MGAM: variants seen among roughly 807,000 people sequenced by gnomAD.
MGAM encodes the protein maltase-glucoamylase, also known as alpha-1,4-glucosidase.
Under a neutral mutation model 358.8 loss-of-function variants are expected in MGAM, and 253 were observed. That is an observed-to-expected ratio of 0.71 (90% CI 0.64 to 0.78). MGAM has a LOEUF of 0.78. Among genes scored for constraint, MGAM ranks in the 30% least tolerant of loss-of-function variants. The pLI, the probability that MGAM is intolerant of heterozygous loss-of-function variation, is 0.00. For synonymous variants in MGAM, 1,105 were observed against 1,227.1 expected (o/e 0.90, Z 2.08); for missense variants, 3,080 against 3,432.6 (o/e 0.90, Z 2.57).
intron 26 of MGAM, among the ~76,000 whole-genome samples, chr7:142,054,295 G>A (rs1811284016): frequency 6.6e-6 from 1 of 152,186 alleles, no homozygotes; most frequent in African/African-American, 2.4e-5. Flanking sequence ...AGTGTCTTGT[G>A]CAGTGTCAGG....
chr7:142,088,656 G>GTCTATCTATCTATCTA (rs35627220), intron 57 of MGAM, among the ~76,000 whole-genome samples: 1 of 125,746 alleles, frequency 8.0e-6, no homozygotes, highest in Non-Finnish European at 1.8e-5. Context: ...CTATCTGTCT[G>GTCTATCTATCTATCTA]TCTATCTATC....
rs189540224 is a variant in MGAM at position 141,998,041 on chromosome 7, G to A, written c.-3+2111G>A. Among the ~76,000 whole-genome samples the A allele has an allele frequency of 2.8e-3, 419 of 152,168 alleles. 2 individuals carry two copies. The highest frequency in any genetic ancestry group is 0.014 in the Middle Eastern group (4 of 294). ...CACATCAAACGCTGGCTATAATGCC[G>A]GAAAGAGGACAAATATCCAGTTTTT... On this transcript the variant is annotated intron_variant, in intron 1 of 70. Coordinates refer to ENST00000475668, the MANE Select transcript of MGAM (RefSeq NM_001365693.1).
rs990454730 is a variant in MGAM at position 142,105,916 on chromosome 7, A to T, written c.*25A>T. On this transcript the variant is annotated 3_prime_UTR_variant, in exon 71 of 71. Transcript: ENST00000475668. ...AATTTTTACAGCAAGATTCTAACTA[A>T]CTATGAATGACTTTGAAACTACTTA... 6.6e-7 allele frequency: 1 copy of T among 1,524,436 alleles called. No individual in the cohort carries two copies. Among genetic ancestry groups the T allele is most frequent in the Admixed American group, 1.7e-5 (1 of 59,730 alleles). 94.4% of individuals were successfully genotyped at this position (1,524,436 alleles called of 1,614,324 possible).
At chr7:142,092,410 T>G in intron 58 of MGAM, 111 bp from the exon 59 acceptor site, 1 of 1,110,744 alleles carries the variant, frequency 9.0e-7, no homozygotes, top group Non-Finnish European at 1.3e-6. Context: ...AGGGCTGGCA[T>G]CTATAGGGAT....
chr7:142,072,281 G>A (rs1272527993), intron 44 of MGAM, among the ~76,000 whole-genome samples: 2 of 145,782 alleles, frequency 1.4e-5, no homozygotes, highest in African/African-American at 2.4e-5. Flanking sequence ...AAAAACTGGC[G>A]ATTTCCCAAA....
intron 1 of MGAM, chr7:142,004,500 T>C (rs1804992480): frequency 6.6e-6 from 1 of 151,976 alleles, no homozygotes; most frequent in Non-Finnish European, 1.5e-5. Context: ...TGAGTATATA[T>C]GGACATACAG....
At chr7:142,005,060 TTC>T (rs1805034365) in intron 1 of MGAM, among the ~76,000 whole-genome samples, 1 of 152,020 alleles carries the variant, frequency 6.6e-6, no homozygotes, top group African/African-American at 2.4e-5. Flanking sequence ...ACAGAACAAA[TTC>T]TGTTTATTAA....
At position 142,044,023 on chromosome 7, in the gene MGAM, TATACAC is replaced by T. The variant is rs1374811277; in HGVS notation, c.2498+3182_2498+3187del. ...CATACGACGTATAATATATACATTA[TATACAC>T]ATACGACGTATAATATATACATTAT... On this transcript the variant is annotated intron_variant, in intron 21 of 70. Coordinates refer to ENST00000475668, the MANE Select transcript of MGAM (RefSeq NM_001365693.1). Among the ~76,000 whole-genome samples the T allele has an allele frequency of 1.2e-4, 16 of 135,748 alleles. 1 individual carries two copies. The highest frequency in any genetic ancestry group is 3.1e-4 in the Admixed American group (4 of 12,766). 89.1% of individuals were successfully genotyped at this position (135,748 alleles called of 152,430 possible). A position where few individuals can be genotyped will look rare whatever the true frequency, so the allele number is the denominator to read the frequency against.
chr7:142,044,559 T>C (rs1461814429), intron 21 of MGAM, among the ~76,000 whole-genome samples: 4 of 136,700 alleles, frequency 2.9e-5, no homozygotes, highest in African/African-American at 1.1e-4. Context: ...GTATATTATA[T>C]ACACGTGTAA....
intron 2 of MGAM, among the ~76,000 whole-genome samples, chr7:141,987,415 C>T (rs531498060): frequency 1.3e-5 from 2 of 152,320 alleles, no homozygotes; most frequent in South Asian, 2.1e-4. Context: ...AGACATAGTG[C>T]TCACTCAGTG....
Position 142,055,635 on chromosome 7 carries a change from T to C in MGAM, c.3392T>C (p.Leu1131Pro). The C allele has an allele frequency of 6.2e-7, 1 of 1,613,902 alleles. No individual in the cohort carries two copies. Residue 1131 changes from leucine (L) to proline (P), a missense_variant, in exon 28 of 71, where the codon CTC (leucine) becomes CCC (proline). By Grantham distance (98) the Leu-to-Pro change is moderately conservative. This residue lies in a region of MGAM where 1,816 missense variants were observed against 1,840.5 expected (regional missense o/e 0.99). Coordinates refer to ENST00000475668, the MANE Select transcript of MGAM (RefSeq NM_001365693.1). ...RISTRLPSKY[L>P]YGFGETEHRS... ...TCCACCCGCCTTCCCTCCAAGTACC[T>C]CTATGGCTTTGGGGAAACTGAGCAC...
At chr7:142,003,132 G>T (rs1270176099) in intron 1 of MGAM, among the ~76,000 whole-genome samples, 1 of 152,056 alleles carries the variant, frequency 6.6e-6, no homozygotes, top group African/African-American at 2.4e-5. Flanking sequence ...TCATCAAAAT[G>T]ACCATACTGC....
At chr7:142,100,246 A>C (rs535608478) in intron 67 of MGAM, among the ~76,000 whole-genome samples, 6 of 152,344 alleles carry the variant, frequency 3.9e-5, no homozygotes, top group African/African-American at 1.4e-4. Context: ...AAAGGAAAAC[A>C]TAAATTCTGT....
intron 57 of MGAM, among the ~76,000 whole-genome samples, chr7:142,088,749 C>A (rs1197858047): frequency 4.3e-5 from 1 of 23,340 alleles, no homozygotes; most frequent in Non-Finnish European, 1.1e-4. Context: ...GTCTGTCTGT[C>A]TATCTATCTA....
rs532797204 is a variant in MGAM at position 142,059,779 on chromosome 7, T to G, written c.3949-77T>G. On this transcript the variant is annotated intron_variant, in intron 32 of 70. Coordinates refer to ENST00000475668, the MANE Select transcript of MGAM (RefSeq NM_001365693.1). Reference sequence around the variant, plus strand: ...AGGTAGAAGCCAGCGAGTTCACCCTTGAGGAGTTCTCCTTCATTCTGTTTC... The same window carrying G: ...AGGTAGAAGCCAGCGAGTTCACCCTGGAGGAGTTCTCCTTCATTCTGTTTC... 1.5e-4 allele frequency: 229 copies of G among 1,573,080 alleles called. 4 individuals carry two copies. In the South Asian group the frequency reaches 2.1e-3, roughly 14 times the overall value.
At chr7:141,997,849 C>T (rs1261714470) in intron 1 of MGAM, among the ~76,000 whole-genome samples, 1 of 152,172 alleles carries the variant, frequency 6.6e-6, no homozygotes, top group African/African-American at 2.4e-5. Context: ...AAGGATGGCC[C>T]AACCTACTAA....
chr7:142,051,373 G>A (rs1810933648), intron 24 of MGAM, among the ~76,000 whole-genome samples: 1 of 152,066 alleles, frequency 6.6e-6, no homozygotes, highest in Non-Finnish European at 1.5e-5. Context: ...GGGAGTGGGG[G>A]CTGGGGACTA....
chr7:142,047,647 T>C (rs1810514930), intron 21 of MGAM, 138 bp from the exon 22 acceptor site: 24 of 749,196 alleles, frequency 3.2e-5, no homozygotes. Flanking sequence ...CTGTCAATTT[T>C]GTGTTTGTGC....
chr7:142,007,893 A>G (rs782658790), intron 2 of MGAM, among the ~76,000 whole-genome samples: 2 of 152,250 alleles, frequency 1.3e-5, no homozygotes, highest in Non-Finnish European at 2.9e-5. Context: ...TGAGGTTACT[A>G]TAATTAGGAT....
Sources: gnomAD v4.1 joint callset for allele counts (sites outside exome capture counted in the v4.1 genomes callset) on GRCh38, gnomAD v4.1.1 for gene constraint, gnomAD v4.1.1 regional missense constraint, MANE v1.5 for transcripts, NCBI Gene and HGNC (gene_info 2026-07-23, HGNC 2026-07-21) for gene names.